The following VPS13A variants were observed in gnomAD, a reference collection of about 807,000 sequenced individuals.
VPS13A encodes the protein intermembrane lipid transfer protein VPS13A.
A neutral mutation model predicts 390.9 loss-of-function variants in VPS13A; 264 were observed. The observed-to-expected ratio is 0.68, with a 90% CI of 0.61 to 0.75. The LOEUF (loss-of-function observed/expected upper bound fraction) is 0.75. Ranked by LOEUF, VPS13A falls within the 30% of genes least tolerant of loss-of-function variation. The probability of loss-of-function intolerance (pLI) is 0.00; values close to 1 mark genes in which losing one functional copy is unlikely to be tolerated. For synonymous variants in VPS13A, 1,231 were observed against 1,227.1 expected, an observed-to-expected ratio of 1.00 and a Z score of -0.07; for missense variants, 3,409 against 3,733.9, an observed-to-expected ratio of 0.91 and a Z score of 2.27.
rs148449443 is a variant in VPS13A at position 77,321,706 on chromosome 9, A to C, written c.5790A>C (p.Ala1930=). 1.9e-6 allele frequency: 3 copies of C among 1,613,176 alleles called. No homozygotes were observed. The highest frequency in any genetic ancestry group is 2.5e-6 in the Non-Finnish European group (3 of 1,179,494). Residue 1930 remains alanine, a synonymous_variant, in exon 44 of 72, where the codon GCA becomes GCC. Transcript: ENST00000360280. The part of the protein sequence containing the change: ...IRTKDNDHFN[A]MTSLSSKLFF... ...CCAAGGACAATGATCATTTCAATGC[A>C]ATGACCAGCCTAAGCAGCAAACTCT... is the stretch of plus-strand genomic sequence containing the variant.
intron 45 of VPS13A, among the ~76,000 whole-genome samples, chr9:77,323,837 G>C (rs1168318018): frequency 1.3e-5 from 2 of 152,080 alleles, no homozygotes; most frequent in Non-Finnish European, 2.9e-5. Context: ...TTGTATGTAT[G>C]TGTCAACTTA....
intron 26 of VPS13A, 68 bp from the exon 27 acceptor site, chr9:77,280,091 A>T: frequency 8.2e-7 from 1 of 1,223,878 alleles, no homozygotes; most frequent in Non-Finnish European, 1.2e-6. Flanking sequence ...CATAATTAAT[A>T]AGATTGCTTG....
chr9:77,190,791 T>A (rs1824632070), intron 1 of VPS13A, among the ~76,000 whole-genome samples: 2 of 152,234 alleles, frequency 1.3e-5, no homozygotes, highest in African/African-American at 4.8e-5. Context: ...TCTTCCAGGT[T>A]CAATCTTGGG....
rs1207207619 is a variant in VPS13A at position 77,337,364 on chromosome 9, T to C, written c.6205T>C (p.Ser2069Pro). The change falls in exon 47 of 72, where the codon TCT (serine) becomes CCT (proline). Residue 2069 changes from serine to proline, a missense_variant. Physicochemically the swap from Ser to Pro is moderately conservative, Grantham distance 74 (BLOSUM62 -1). Transcript: ENST00000360280. ...TGCTCTTCTAAAGAAGAAATGTAGA[T>C]CTAAAAACCCTTCTAAGGAATCATT... Reference protein sequence around the residue: ...DGALLKKKCRSKNPSKESFLI... With the variant: ...DGALLKKKCRPKNPSKESFLI... 2 of 1,612,892 alleles carry C rather than the reference T, an allele frequency of 1.2e-6. No homozygotes were observed. Among genetic ancestry groups the C allele is most frequent in the South Asian group, 1.1e-5 (1 of 91,038 alleles).
intron 33 of VPS13A, 89 bp from the exon 34 acceptor site, chr9:77,302,826 G>A: frequency 7.5e-7 from 1 of 1,329,414 alleles, no homozygotes; most frequent in Non-Finnish European, 1.1e-6. Context: ...TCTGCTATTT[G>A]CATATAAAAG....
rs748620068 is a variant in VPS13A at position 77,262,597 on chromosome 9, C to T, written c.2427+2373C>T. On this transcript the variant is annotated intron_variant, in intron 23 of 71. Transcript: ENST00000360280. ...ATCCCTCCCCTAGCCCCCGACCCCT[C>T]GACAGGCCCCAGTGTGTGATGTTCC... Among the ~76,000 whole-genome samples, 112 of 152,102 alleles carry T rather than the reference C, an allele frequency of 7.4e-4. 2 individuals are homozygous for T. Among genetic ancestry groups the T allele is most frequent in the Non-Finnish European group, 1.3e-3 (90 of 68,010 alleles).
Position 77,351,353 on chromosome 9 carries a change from T to C in VPS13A, c.7326T>C (p.Gly2442=), listed in dbSNP as rs1352122491. The C allele has an allele frequency of 6.2e-7, 1 of 1,614,008 alleles. No individual in the cohort carries two copies. The highest frequency in any genetic ancestry group is 8.5e-7 in the Non-Finnish European group (1 of 1,179,896). Residue 2442 remains glycine (G), a synonymous_variant, in exon 53 of 72, where the codon GGT becomes GGC. Transcript: ENST00000360280. ...LSEIEDSLPP[G]KAVFYTWADP... is the part of the protein sequence containing the mutation. ...AAATAGAAGATTCCCTCCCTCCTGG[T>C]AAAGCCGTGTTTTATACATGGGCTG... is the stretch of plus-strand genomic sequence containing the variant.
chr9:77,214,772 T>A (rs1822760193), intron 10 of VPS13A, among the ~76,000 whole-genome samples: 2 of 152,212 alleles, frequency 1.3e-5, no homozygotes, highest in Non-Finnish European at 1.5e-5. Context: ...AAAATTTTTT[T>A]AATTTATACT....
intron 48 of VPS13A, 90 bp from the exon 49 acceptor site, chr9:77,340,088 T>A: frequency 7.3e-6 from 10 of 1,379,102 alleles, no homozygotes; most frequent in Non-Finnish European, 1.0e-5. Flanking sequence ...AATATAATAT[T>A]TTGTTTATGC....
chr9:77,407,037 ATTC>A (rs1834646337), intron 70 of VPS13A, among the ~76,000 whole-genome samples: 1 of 152,190 alleles, frequency 6.6e-6, no homozygotes, highest in Non-Finnish European at 1.5e-5. Context: ...TCTAAACTAT[ATTC>A]TTACTGTATG....
rs779216309 is a variant in VPS13A at position 77,260,124 on chromosome 9, G to C, written c.2327G>C (p.Arg776Pro). Residue 776 changes from arginine (R) to proline (P), a missense_variant, in exon 23 of 72, where the codon CGA becomes CCA. Arg to Pro is a moderately radical substitution (Grantham distance 103, BLOSUM62 -2). Around this residue, in one of 5 missense-constraint regions of VPS13A, gnomAD observed 2,717 missense variants for 2,917.4 expected, o/e 0.93. Coordinates refer to ENST00000360280, the MANE Select transcript of VPS13A (RefSeq NM_033305.3). ...IYGKLPLISLRISDKKLQGIM... is the reference protein window; with the variant it reads ...IYGKLPLISLPISDKKLQGIM... ...GGAAAGTTACCTCTTATTTCTTTAC[G>C]AATCTCAGATAAAAAACTACAAGGG... 1 of 1,566,282 alleles carries C rather than the reference G, an allele frequency of 6.4e-7. No homozygotes were observed. Among genetic ancestry groups the C allele is most frequent in the Non-Finnish European group, 8.8e-7 (1 of 1,138,704 alleles).
intron 16 of VPS13A, 53 bp from the exon 17 acceptor site, chr9:77,228,069 T>C: frequency 7.8e-7 from 1 of 1,282,910 alleles, no homozygotes; most frequent in Non-Finnish European, 1.1e-6. Context: ...GAATATTTGT[T>C]ATGCTTATAT....
chr9:77,190,568 T>C (rs1033749921), intron 1 of VPS13A, among the ~76,000 whole-genome samples: 5 of 152,192 alleles, frequency 3.3e-5, no homozygotes, highest in African/African-American at 9.7e-5. Context: ...GGTTTTGTTA[T>C]CAGAATGATG....
intron 35 of VPS13A, among the ~76,000 whole-genome samples, chr9:77,312,896 C>G (rs765504371): frequency 1.3e-5 from 2 of 152,122 alleles, no homozygotes; most frequent in South Asian, 2.1e-4. Flanking sequence ...ATGTACCTAC[C>G]TTTAACAGAG....
intron 5 of VPS13A, 62 bp downstream of exon 5, chr9:77,206,141 A>G: frequency 1.8e-6 from 2 of 1,088,138 alleles, no homozygotes; most frequent in Non-Finnish European, 2.7e-6. Flanking sequence ...AATATTTATC[A>G]TAATTGAATA....
intron 1 of VPS13A, among the ~76,000 whole-genome samples, chr9:77,179,749 A>T: frequency 6.8e-6 from 1 of 147,148 alleles, no homozygotes. Context: ...TAAAATGTAC[A>T]ATTCAGTGTT....
chr9:77,362,261 C>A (rs938841113), intron 59 of VPS13A, among the ~76,000 whole-genome samples: 1 of 152,076 alleles, frequency 6.6e-6, no homozygotes, highest in Non-Finnish European at 1.5e-5. Flanking sequence ...TTACGTTTTA[C>A]GAATTTTAAA....
At chr9:77,189,213 A>G (rs1315633335) in intron 1 of VPS13A, among the ~76,000 whole-genome samples, 2 of 144,854 alleles carry the variant, frequency 1.4e-5, no homozygotes, top group African/African-American at 5.2e-5. Flanking sequence ...GGTATTCCCT[A>G]AGTTTTCTTC....
rs748907586 is a variant in VPS13A, at chr9:77,237,984, C to CT, written c.1596-8dup. 27,311 of 1,099,498 alleles carry CT rather than the reference C, an allele frequency of 0.025. No individual in the cohort carries two copies. The highest frequency in any genetic ancestry group is 0.028 in the Non-Finnish European group (22,152 of 802,620). 68.1% of individuals were successfully genotyped at this position (1,099,498 alleles called of 1,614,324 possible). On this transcript the variant is annotated splice_polypyrimidine_tract_variant and intron_variant, in intron 17 of 71. Transcript: ENST00000360280. ...AATTTTACTGATCGCTGACTTTTTTCTTTTTTTTTTAATGCAGATTTGAAA... is the reference window on the plus strand; with the variant it reads ...AATTTTACTGATCGCTGACTTTTTTCTTTTTTTTTTTAATGCAGATTTGAAA...
Sources: allele counts gnomAD v4.1 joint callset (sites outside exome capture counted in the v4.1 genomes callset), GRCh38; gene constraint gnomAD v4.1.1; regional missense constraint gnomAD v4.1.1; transcripts MANE v1.5; gene names NCBI Gene and HGNC (gene_info 2026-07-23, HGNC 2026-07-21).